Variants in TBC1D12 observed in about 807,000 individuals in gnomAD.
The protein encoded by TBC1D12 is TBC1 domain family, member 12.
A neutral mutation model predicts 86.7 loss-of-function variants in TBC1D12; 56 were observed. The observed-to-expected ratio is 0.65, with a 90% CI of 0.52 to 0.81. TBC1D12 has a LOEUF of 0.81. Ranked by LOEUF, TBC1D12 falls within the 30% of genes least tolerant of loss-of-function variation. The pLI, the probability that TBC1D12 is intolerant of heterozygous loss-of-function variation, is 0.00. For synonymous variants in TBC1D12, 421 were observed against 411.7 expected (o/e 1.02, Z -0.27); for missense variants, 1,023 against 1,038.8 (o/e 0.98, Z 0.21).
intron 1 of TBC1D12, among the ~76,000 whole-genome samples, chr10:94,414,999 TA>T (rs2054980305): frequency 6.6e-6 from 1 of 152,196 alleles, no homozygotes; most frequent in Non-Finnish European, 1.5e-5. Context: ...AAAGGTAAAA[TA>T]AATGCAATAT....
intron 2 of TBC1D12, among the ~76,000 whole-genome samples, chr10:94,456,895 C>A (rs1335520318): frequency 6.6e-6 from 1 of 152,170 alleles, no homozygotes; most frequent in East Asian, 1.9e-4. Context: ...TCTTGGATTA[C>A]TAACCCCTTT....
At chr10:94,452,902 T>C (rs774343384) in intron 2 of TBC1D12, among the ~76,000 whole-genome samples, 15 of 152,214 alleles carry the variant, frequency 9.9e-5, no homozygotes, top group Non-Finnish European at 1.8e-4. Context: ...TCCAGCAGCA[T>C]TGAATGAGAG....
chr10:94,405,812 A>ATT (rs34165101), intron 1 of TBC1D12, among the ~76,000 whole-genome samples: 112 of 144,120 alleles, frequency 7.8e-4, no homozygotes, highest in African/African-American at 2.6e-3. Flanking sequence ...ATTTCTGAAC[A>ATT]TTTTTTTTTT....
In TBC1D12 at chr10:94,403,547, G is replaced by T; in HGVS notation, c.934G>T (p.Ala312Ser). The T allele has an allele frequency of 6.6e-7, 1 of 1,506,554 alleles. No homozygotes were observed. Among genetic ancestry groups the T allele is most frequent in the Non-Finnish European group, 8.8e-7 (1 of 1,138,124 alleles). 93.3% of individuals were successfully genotyped at this position (1,506,554 alleles called of 1,614,324 possible). ...GGGTCCTGCGGGGGCTTCGGCCCGG[G>T]CTCGACGGAGTGGCGGCTTCGCGGA... ...EQGPAGASAR[A>S]RRSGGFADFF... The change falls in exon 1 of 13, where the codon GCT (alanine) becomes TCT (serine). Residue 312 changes from alanine (A) to serine (S), a missense_variant. Physicochemically the swap from Ala to Ser is moderately conservative, Grantham distance 99 (BLOSUM62 1). Around this residue, in one of 2 missense-constraint regions of TBC1D12, gnomAD observed 628 missense variants for 531.1 expected, o/e 1.18. Transcript: ENST00000225235.
chr10:94,448,804 T>G (rs1166678214), intron 2 of TBC1D12, among the ~76,000 whole-genome samples: 1 of 152,212 alleles, frequency 6.6e-6, no homozygotes, highest in Non-Finnish European at 1.5e-5. Flanking sequence ...ATTGTTACAC[T>G]CTTGCATGTT....
chr10:94,525,435 A>C (rs1049667904), intron 11 of TBC1D12, among the ~76,000 whole-genome samples: 1 of 152,046 alleles, frequency 6.6e-6, no homozygotes, highest in Non-Finnish European at 1.5e-5. Context: ...AACATGGTGA[A>C]ACCCTGTTTC....
At chr10:94,467,080 AT>A (rs1468131351) in intron 2 of TBC1D12, among the ~76,000 whole-genome samples, 4 of 152,166 alleles carry the variant, frequency 2.6e-5, no homozygotes, top group Non-Finnish European at 5.9e-5. Flanking sequence ...GCTTTGTCTA[AT>A]TTTTAGAAAA....
At chr10:94,442,156 A>G (rs1439739317) in intron 2 of TBC1D12, 137 bp downstream of exon 2, 17 of 949,088 alleles carry the variant, frequency 1.8e-5, no homozygotes, top group African/African-American at 5.4e-5. Context: ...TTTTGGGATT[A>G]TAAGTATTTA....
chr10:94,406,772 G>C (rs566115905), intron 1 of TBC1D12, among the ~76,000 whole-genome samples: 127 of 152,318 alleles, frequency 8.3e-4, no homozygotes, highest in African/African-American at 2.8e-3. Context: ...GCTTGTTTGG[G>C]ATGGAATCTT....
intron 1 of TBC1D12, among the ~76,000 whole-genome samples, chr10:94,435,351 T>C (rs2055279271): frequency 6.6e-6 from 1 of 152,238 alleles, no homozygotes; most frequent in Non-Finnish European, 1.5e-5. Flanking sequence ...TTCTTCCCCT[T>C]CTAAACTTGG....
At chr10:94,409,138 T>C (rs772381304) in intron 1 of TBC1D12, among the ~76,000 whole-genome samples, 11 of 152,046 alleles carry the variant, frequency 7.2e-5, no homozygotes, top group Non-Finnish European at 1.6e-4. Context: ...TCCCGTATTT[T>C]CTTTTAAAAA....
chr10:94,403,703 G>T (rs1437069372), intron 1 of TBC1D12, 119 bp downstream of exon 1: 5 of 1,248,558 alleles, frequency 4.0e-6, no homozygotes, highest in Admixed American at 3.8e-5. Flanking sequence ...GGCCGCTTCC[G>T]TGCCAGCCCC....
chr10:94,501,958 G>A (rs943843581), intron 6 of TBC1D12, among the ~76,000 whole-genome samples: 7 of 151,930 alleles, frequency 4.6e-5, no homozygotes, highest in African/African-American at 1.7e-4. Context: ...GAGCCCAGGA[G>A]TTTAAGGTTA....
chr10:94,449,793 G>A (rs72814666), intron 2 of TBC1D12, among the ~76,000 whole-genome samples: 3,209 of 152,234 alleles, frequency 0.021, 39 homozygotes, highest in Non-Finnish European at 0.031. Context: ...TGAAGGAGAA[G>A]CTTCTATGCT....
chr10:94,465,596 A>C (rs2055793978), intron 2 of TBC1D12, among the ~76,000 whole-genome samples: 1 of 151,744 alleles, frequency 6.6e-6, no homozygotes, highest in South Asian at 2.1e-4. Flanking sequence ...CAGTGAGCCA[A>C]GATCATGCCA....
intron 3 of TBC1D12, among the ~76,000 whole-genome samples, chr10:94,490,936 A>C (rs1372656258): frequency 2.0e-5 from 3 of 151,340 alleles, no homozygotes; most frequent in Non-Finnish European, 4.4e-5. Flanking sequence ...CTCAGCCAAA[A>C]CCTTGAGAGG....
chr10:94,414,802 G>A (rs1271563499), intron 1 of TBC1D12, among the ~76,000 whole-genome samples: 1 of 152,100 alleles, frequency 6.6e-6, no homozygotes, highest in Non-Finnish European at 1.5e-5. Context: ...GCTTCACCAT[G>A]TTGGCCAGGG....
At chr10:94,476,844 G>C (rs2055995835) in intron 3 of TBC1D12, among the ~76,000 whole-genome samples, 1 of 152,012 alleles carries the variant, frequency 6.6e-6, no homozygotes, top group South Asian at 2.1e-4. Context: ...CCCTCTCTTG[G>C]AAGGCTTTTA....
At chr10:94,528,990 A>G (rs1446125939) in intron 11 of TBC1D12, among the ~76,000 whole-genome samples, 1 of 151,800 alleles carries the variant, frequency 6.6e-6, no homozygotes, top group South Asian at 2.1e-4. Context: ...GTGTCTTCTC[A>G]GGTCTTCTTT....
Sources: allele counts gnomAD v4.1 joint callset (sites outside exome capture counted in the v4.1 genomes callset), GRCh38; gene constraint gnomAD v4.1.1; regional missense constraint gnomAD v4.1.1; transcripts MANE v1.5; gene names NCBI Gene and HGNC (gene_info 2026-07-23, HGNC 2026-07-21).